The following PKN2 variants were observed in gnomAD, a reference collection of about 807,000 sequenced individuals.
The protein encoded by PKN2 is serine/threonine-protein kinase N2.
A neutral mutation model predicts 119.1 loss-of-function variants in PKN2; 38 were observed. That is an observed-to-expected ratio of 0.32 (90% CI 0.25 to 0.42). The LOEUF is 0.42. Among genes scored for constraint, PKN2 ranks in the 10% least tolerant of loss-of-function variants. The probability of loss-of-function intolerance (pLI) is 1.00; values close to 1 mark genes in which losing one functional copy is unlikely to be tolerated. For missense variants in PKN2, 850 were observed against 1,165.1 expected (o/e 0.73, Z 3.94); for synonymous variants, 390 against 384.9 (o/e 1.01, Z -0.15).
chr1:88,719,694 A>G lies in PKN2; in HGVS notation c.49-21294A>G, dbSNP rs1269461461. 3.3e-5 allele frequency among the ~76,000 whole-genome samples: 5 copies of G among 152,152 alleles called. No individual in the cohort carries two copies. The East Asian group carries it at 9.6e-4, about 29-fold the overall frequency. On this transcript the variant is annotated intron_variant, in intron 1 of 21. Transcript: ENST00000370521. The stretch of plus-strand genomic sequence containing the variant: ...CTCTAGCACACTGGGAGTTTTTGTG[A>G]TAGATCTATTCTAAATTAATCGTAT...
intron 19 of PKN2, among the ~76,000 whole-genome samples, chr1:88,832,351 TTCCCTACTG>T (rs1488413495): frequency 6.6e-6 from 1 of 152,000 alleles, no homozygotes; most frequent in Non-Finnish European, 1.5e-5. Context: ...TATCTAAATA[TTCCCTACTG>T]TCTGTTAGAC....
intron 3 of PKN2, among the ~76,000 whole-genome samples, chr1:88,765,699 A>G (rs1267449407): frequency 4.6e-5 from 7 of 152,172 alleles, no homozygotes; most frequent in Non-Finnish European, 8.8e-5. Context: ...AGCACTTAAC[A>G]TGAGAAATTC....
intron 18 of PKN2, among the ~76,000 whole-genome samples, chr1:88,827,994 T>C (rs1480528417): frequency 6.6e-6 from 1 of 151,928 alleles, no homozygotes; most frequent in Non-Finnish European, 1.5e-5. Flanking sequence ...CAAAGTGCCG[T>C]GATTACAAGC....
intron 3 of PKN2, among the ~76,000 whole-genome samples, chr1:88,762,353 T>C (rs776606134): frequency 4.6e-5 from 7 of 152,210 alleles, no homozygotes; most frequent in Non-Finnish European, 8.8e-5. Flanking sequence ...AAGACTCAAA[T>C]GGAGGTCGAA....
At chr1:88,799,223 C>T (rs1179870906) in intron 8 of PKN2, among the ~76,000 whole-genome samples, 1 of 152,214 alleles carries the variant, frequency 6.6e-6, no homozygotes, top group East Asian at 1.9e-4. Context: ...CAGTAACCCA[C>T]ATCTATAGCA....
chr1:88,763,184 A>C (rs1218551474), intron 3 of PKN2, among the ~76,000 whole-genome samples: 1 of 152,342 alleles, frequency 6.6e-6, no homozygotes, highest in East Asian at 1.9e-4. Flanking sequence ...ACTGAAAGAC[A>C]AGCCAGGTTA....
At chr1:88,786,969 C>A (rs1005657716) in intron 8 of PKN2, among the ~76,000 whole-genome samples, 1 of 146,496 alleles carries the variant, frequency 6.8e-6, no homozygotes, top group Non-Finnish European at 1.5e-5. Flanking sequence ...AATTTTAATT[C>A]TTTCCCAGTT....
chr1:88,832,692 G>A (rs373012666), intron 19 of PKN2, 52 bp from the exon 20 acceptor site: 1 of 1,023,476 alleles, frequency 9.8e-7, no homozygotes, highest in Admixed American at 2.2e-5. Flanking sequence ...TGGGTGATAA[G>A]ATTTTACTGC....
intron 1 of PKN2, among the ~76,000 whole-genome samples, chr1:88,717,969 A>G (rs1667524314): frequency 1.3e-5 from 2 of 152,010 alleles, no homozygotes; most frequent in South Asian, 2.1e-4. Context: ...TGACCTACAG[A>G]TGAGGTTTTG....
intron 8 of PKN2, among the ~76,000 whole-genome samples, chr1:88,798,720 G>A (rs1671191196): frequency 6.6e-6 from 1 of 152,168 alleles, no homozygotes; most frequent in African/African-American, 2.4e-5. Flanking sequence ...AGTTCCAGAA[G>A]GAAGGATTAG....
Position 88,760,212 on chromosome 1 carries a change from T to C in PKN2, c.350-10T>C. 6.9e-7 allele frequency: 1 copy of C among 1,450,172 alleles called. No homozygotes were observed. Among genetic ancestry groups the C allele is most frequent in the Non-Finnish European group, 9.5e-7 (1 of 1,050,678 alleles). 89.8% of individuals were successfully genotyped at this position (1,450,172 alleles called of 1,614,324 possible). On this transcript the variant is annotated splice_polypyrimidine_tract_variant and intron_variant, in intron 2 of 21. Coordinates refer to ENST00000370521, the MANE Select transcript of PKN2 (RefSeq NM_006256.4). ...TCTAATAAGTAATTTTAACAATATT[T>C]TATTTACAGATTGCCCAAGGACTCC...
chr1:88,722,260 TATA>T (rs1427725187), intron 1 of PKN2, among the ~76,000 whole-genome samples: 1 of 152,224 alleles, frequency 6.6e-6, no homozygotes, highest in African/African-American at 2.4e-5. Context: ...TTACTCACTG[TATA>T]ATATTCTTTT....
intron 3 of PKN2, among the ~76,000 whole-genome samples, chr1:88,769,595 A>G (rs1043872633): frequency 3.3e-5 from 5 of 152,092 alleles, no homozygotes; most frequent in South Asian, 2.1e-4. Context: ...TGCGATGTAT[A>G]TATATATGTA....
At chr1:88,755,099 TTAGAG>T (rs1669147207) in intron 2 of PKN2, among the ~76,000 whole-genome samples, 1 of 152,172 alleles carries the variant, frequency 6.6e-6, no homozygotes, top group Admixed American at 6.5e-5. Flanking sequence ...AAGGCAGTTG[TTAGAG>T]TAGAAAAATA....
intron 1 of PKN2, among the ~76,000 whole-genome samples, chr1:88,727,946 A>G (rs1461828895): frequency 6.6e-6 from 1 of 151,910 alleles, no homozygotes; most frequent in Non-Finnish European, 1.5e-5. Flanking sequence ...GTATTTCAAA[A>G]AGATTTCTGT....
intron 1 of PKN2, among the ~76,000 whole-genome samples, chr1:88,686,270 A>C (rs1666094435): frequency 6.6e-6 from 1 of 152,064 alleles, no homozygotes; most frequent in Non-Finnish European, 1.5e-5. Flanking sequence ...TTTTCTTTTG[A>C]ATTGAGCAGT....
intron 8 of PKN2, among the ~76,000 whole-genome samples, chr1:88,800,568 G>A (rs537149647): frequency 9.2e-5 from 14 of 152,242 alleles, no homozygotes; most frequent in African/African-American, 2.4e-4. Context: ...ACTACCTTTC[G>A]CTAGTAGTTC....
intron 15 of PKN2, among the ~76,000 whole-genome samples, chr1:88,808,150 C>T (rs991916533): frequency 2.0e-5 from 3 of 152,078 alleles, no homozygotes; most frequent in African/African-American, 7.2e-5. Flanking sequence ...AAATAATCTA[C>T]AGTTAATGGA....
intron 1 of PKN2, among the ~76,000 whole-genome samples, chr1:88,735,087 A>G (rs1259270857): frequency 6.6e-6 from 1 of 152,190 alleles, no homozygotes; most frequent in Admixed American, 6.5e-5. Flanking sequence ...AGTGAGTTTT[A>G]TACCTTTAAG....
Sources: allele counts gnomAD v4.1 joint callset (sites outside exome capture counted in the v4.1 genomes callset), GRCh38; gene constraint gnomAD v4.1.1; transcripts MANE v1.5; gene names NCBI Gene and HGNC (gene_info 2026-07-23, HGNC 2026-07-21).